LRRC37A2: variants seen among roughly 807,000 people sequenced by gnomAD.
LRRC37A2 encodes leucine rich repeat containing 37 member A2.
Under a neutral mutation model 68.8 loss-of-function variants are expected in LRRC37A2, and 9 were observed. The ratio of observed to expected loss-of-function variants is 0.13; its 90% confidence interval spans 0.08 to 0.23. The LOEUF (loss-of-function observed/expected upper bound fraction) is 0.23. LRRC37A2 is among the 10% of genes least tolerant of loss of function. The probability of loss-of-function intolerance (pLI) is 1.00; values close to 1 mark genes in which losing one functional copy is unlikely to be tolerated. For synonymous variants in LRRC37A2, 63 were observed against 367.6 expected, an observed-to-expected ratio of 0.17 and a Z score of 9.48; for missense variants, 168 against 950.4, an observed-to-expected ratio of 0.18 and a Z score of 10.82.
chr17:46,489,412 T>C, the LRRC37A2 span, among the ~76,000 whole-genome samples: 1 of 108,024 alleles, frequency 9.3e-6, no homozygotes, highest in African/African-American at 3.3e-5. Flanking sequence ...TACTGGGATC[T>C]CAGCATCTGT....
At chr17:46,876,970 G>A in the LRRC37A2 span, 22 of 1,298,156 alleles carry the variant, frequency 1.7e-5, no homozygotes, top group Non-Finnish European at 2.1e-5. Flanking sequence ...TTGGAGAGGA[G>A]GGCAGAGTGA....
At chr17:46,939,488 G>C in the LRRC37A2 span, 1 of 986,406 alleles carries the variant, frequency 1.0e-6, no homozygotes, top group Non-Finnish European at 1.2e-6. Context: ...TTAATAGAGT[G>C]GTTGGCTTTT....
At chr17:46,748,363 C>T in the LRRC37A2 span, among the ~76,000 whole-genome samples, 7 of 152,300 alleles carry the variant, frequency 4.6e-5, no homozygotes, top group South Asian at 2.1e-4. Flanking sequence ...CCACCTGCCT[C>T]GGCCTCCCAC....
the LRRC37A2 span, among the ~76,000 whole-genome samples, chr17:46,472,871 C>T: frequency 1.9e-5 from 1 of 52,710 alleles, no homozygotes; most frequent in Non-Finnish European, 4.6e-5. Context: ...GCCAAGATCA[C>T]GCCACTGCAC....
At chr17:47,027,499 C>G in the LRRC37A2 span, 2 of 811,280 alleles carry the variant, frequency 2.5e-6, no homozygotes, top group Non-Finnish European at 4.3e-6. Flanking sequence ...TGCTATTATT[C>G]ATACCAATCA....
At chr17:46,902,143 T>C in the LRRC37A2 span, among the ~76,000 whole-genome samples, 1 of 152,204 alleles carries the variant, frequency 6.6e-6, no homozygotes, top group East Asian at 1.9e-4. Flanking sequence ...TTCTGGTGCC[T>C]GGTGTTGACC....
At chr17:46,491,116 C>T in the LRRC37A2 span, among the ~76,000 whole-genome samples, 1 of 150,842 alleles carries the variant, frequency 6.6e-6, no homozygotes, top group African/African-American at 2.5e-5. Flanking sequence ...AGGCTGGTGT[C>T]GAACTCCTGA....
At chr17:47,000,081 T>TAAAATAAAATAAAAATAA in the LRRC37A2 span, among the ~76,000 whole-genome samples, 184 of 15,228 alleles carry the variant, frequency 0.012, 1 homozygote, top group South Asian at 0.048. Flanking sequence ...AAATAAAAAA[T>TAAAATAAAATAAAAATAA]AAAATAAAAT....
At chr17:46,991,903 A>G in the LRRC37A2 span, among the ~76,000 whole-genome samples, 13 of 152,244 alleles carry the variant, frequency 8.5e-5, no homozygotes, top group African/African-American at 3.1e-4. Context: ...AGAACTTGTG[A>G]CCTGCAAAGG....
chr17:46,768,989 C>G, the LRRC37A2 span, among the ~76,000 whole-genome samples: 1 of 152,310 alleles, frequency 6.6e-6, no homozygotes, highest in African/African-American at 2.4e-5. This position sits in a 1 kb window ranked among gnomAD's most constrained non-coding sequence, Gnocchi z 5.0. Context: ...CCTTCACACC[C>G]CAAGCATGGG....
chr17:46,788,437 C>A, the LRRC37A2 span, among the ~76,000 whole-genome samples: 1 of 152,298 alleles, frequency 6.6e-6, no homozygotes, highest in East Asian at 1.9e-4. Context: ...CATTGCTATA[C>A]CCTTCAAGCC....
chr17:46,968,048 C>G, the LRRC37A2 span, among the ~76,000 whole-genome samples: 1 of 152,192 alleles, frequency 6.6e-6, no homozygotes, highest in East Asian at 1.9e-4. Context: ...GGAAGAGGAC[C>G]AGCCTGGGAT....
chr17:46,794,870 C>G, the LRRC37A2 span, among the ~76,000 whole-genome samples: 4 of 151,862 alleles, frequency 2.6e-5, no homozygotes, highest in African/African-American at 9.7e-5. Context: ...CGTGCCTCAG[C>G]CTTCCGAGTA....
At chr17:46,676,236 T>C in the LRRC37A2 span, among the ~76,000 whole-genome samples, 462 of 115,134 alleles carry the variant, frequency 4.0e-3, 5 homozygotes, top group East Asian at 0.014. Context: ...TCTTCTTCTT[T>C]TTTTTTTTTT....
the LRRC37A2 span, among the ~76,000 whole-genome samples, chr17:46,740,401 G>A: frequency 6.6e-6 from 1 of 152,126 alleles, no homozygotes; most frequent in Non-Finnish European, 1.5e-5. Flanking sequence ...CAAATGCTAT[G>A]GATAAAAATC....
At chr17:47,020,643 A>G in the LRRC37A2 span, among the ~76,000 whole-genome samples, 2 of 150,558 alleles carry the variant, frequency 1.3e-5, no homozygotes, top group Admixed American at 6.6e-5. Context: ...TTAGCCAGGC[A>G]TGGTGGTGGG....
the LRRC37A2 span, among the ~76,000 whole-genome samples, chr17:46,794,339 G>A: frequency 1.3e-5 from 2 of 152,192 alleles, no homozygotes; most frequent in African/African-American, 4.8e-5. Context: ...GCGGTGAAGA[G>A]GGGTCACCAT....
the LRRC37A2 span, among the ~76,000 whole-genome samples, chr17:46,842,491 C>T: frequency 2.6e-5 from 4 of 152,216 alleles, no homozygotes; most frequent in African/African-American, 9.6e-5. Flanking sequence ...CCTCCTGCCT[C>T]AGCCTCCCGA....
chr17:46,783,756 A>G, the LRRC37A2 span, among the ~76,000 whole-genome samples: 1 of 152,242 alleles, frequency 6.6e-6, no homozygotes, highest in East Asian at 1.9e-4. Context: ...AGGTGGAGCC[A>G]GGTGGCAGGG....
Sources: allele counts gnomAD v4.1 joint callset (sites outside exome capture counted in the v4.1 genomes callset), GRCh38; gene constraint gnomAD v4.1.1; non-coding constraint Gnocchi (gnomAD v3.1); transcripts MANE v1.5; gene names NCBI Gene and HGNC (gene_info 2026-07-23, HGNC 2026-07-21).